The following MRPL14 variants were observed in gnomAD, a reference collection of about 807,000 sequenced individuals.
MRPL14 encodes the protein large ribosomal subunit protein uL14m.
Under a neutral mutation model 10.9 loss-of-function variants are expected in MRPL14, and 8 were observed. That is an observed-to-expected ratio of 0.74 (90% CI 0.43 to 1.33). MRPL14 has a LOEUF of 1.33. Ranked by LOEUF, MRPL14 falls within the 40% of genes most tolerant of loss-of-function variation. The probability of loss-of-function intolerance (pLI) is 0.01; values close to 1 mark genes in which losing one functional copy is unlikely to be tolerated. For synonymous variants in MRPL14, 82 were observed against 74.1 expected (o/e 1.11, Z -0.54); for missense variants, 179 against 194.5 (o/e 0.92, Z 0.47).
chr6:44,123,901 G>A (rs778511421), intron 1 of MRPL14, among the ~76,000 whole-genome samples: 5 of 152,124 alleles, frequency 3.3e-5, no homozygotes, highest in Non-Finnish European at 7.4e-5. Context: ...TACTTAGATA[G>A]ATCTGACAAT....
In MRPL14 at chr6:44,113,704, C is replaced by T. The variant is rs1166481346; in HGVS notation, c.*139G>A. ...CTCTGGAAAAACACATAAATGAATACATTTATTCTCTCACAGGATACTACA... is the reference window on the plus strand; with the variant it reads ...CTCTGGAAAAACACATAAATGAATATATTTATTCTCTCACAGGATACTACA... On this transcript the variant is annotated 3_prime_UTR_variant, in exon 3 of 3. Transcript: ENST00000372014. The T allele has an allele frequency of 3.6e-6, 3 of 827,826 alleles. No individual in the cohort carries two copies. The highest frequency in any genetic ancestry group is 5.3e-6 in the Non-Finnish European group (3 of 567,790). The allele number at this position is 827,826 out of a possible 1,614,324, so 51.3% of individuals were successfully genotyped here.
chr6:44,115,330 T>C (rs180787692), intron 2 of MRPL14, among the ~76,000 whole-genome samples: 15 of 152,258 alleles, frequency 9.9e-5, no homozygotes, highest in Admixed American at 2.0e-4. Context: ...GCTCTATAGA[T>C]ACTGCAAACT....
In MRPL14 at chr6:44,116,628, T is replaced by A. The variant is rs1228280400; in HGVS notation, c.-17A>T. 1.2e-6 allele frequency: 2 copies of A among 1,612,916 alleles called. No individual in the cohort carries two copies. Among genetic ancestry groups the A allele is most frequent in the Admixed American group, 1.7e-5 (1 of 59,932 alleles). On this transcript the variant is annotated splice_region_variant and 5_prime_UTR_variant, in exon 2 of 3. Transcript: ENST00000372014. Reference sequence around the variant, plus strand: ...GAAAGCCATGGGATCCCAAGATAGATCCTGCAGGAAAAACGAGAGGGGGAA... The same window carrying A: ...GAAAGCCATGGGATCCCAAGATAGAACCTGCAGGAAAAACGAGAGGGGGAA...
chr6:44,119,010 G>A lies in MRPL14; in HGVS notation c.-18-2381C>T, dbSNP rs192874588. ...AACCTCAAAAAACCCTATGAAATGG[G>A]TACAATTATTATTAGCCTCATTGTT... On this transcript the variant is annotated intron_variant, in intron 1 of 2. Transcript: ENST00000372014. Among the ~76,000 whole-genome samples, 56 of 152,096 alleles carry A rather than the reference G, an allele frequency of 3.7e-4. 1 individual carries two copies. The highest frequency in any genetic ancestry group is 1.3e-3 in the African/African-American group (54 of 41,494).
At chr6:44,119,719 C>T (rs1239476539) in intron 1 of MRPL14, among the ~76,000 whole-genome samples, 1 of 152,114 alleles carries the variant, frequency 6.6e-6, no homozygotes, top group African/African-American at 2.4e-5. Context: ...CAAAAAACAA[C>T]AAAACAAAAC....
intron 1 of MRPL14, among the ~76,000 whole-genome samples, chr6:44,117,229 C>CAA (rs1775937563): frequency 7.9e-6 from 1 of 126,794 alleles, no homozygotes; most frequent in East Asian, 2.6e-4. Flanking sequence ...CTCCCAAACA[C>CAA]TGTAACATGG....
At position 44,127,426 on chromosome 6, in the gene MRPL14, C is replaced by T. The variant is rs1777330280; in HGVS notation, c.-101G>A. 6.6e-6 allele frequency: 1 copy of T among 152,212 alleles called. No homozygotes were observed. The highest frequency in any genetic ancestry group is 2.4e-5 in the African/African-American group (1 of 41,406). 9.4% of individuals were successfully genotyped at this position (152,212 alleles called of 1,614,324 possible). ...GCCCCACGCGGCCTCTTCCTAGCGCCTGCGCGCCAGGCCCAGCCCGGCGGA... is the reference window on the plus strand; with the variant it reads ...GCCCCACGCGGCCTCTTCCTAGCGCTTGCGCGCCAGGCCCAGCCCGGCGGA... On this transcript the variant is annotated 5_prime_UTR_variant, in exon 1 of 3. Transcript: ENST00000372014.
intron 1 of MRPL14, among the ~76,000 whole-genome samples, chr6:44,118,990 C>A (rs73429729): frequency 0.26 from 39,958 of 151,788 alleles, 5,779 homozygotes; most frequent in African/African-American, 0.39. Context: ...AAATAAACCT[C>A]AAAAAACCCT....
intron 1 of MRPL14, among the ~76,000 whole-genome samples, chr6:44,124,157 A>C (rs184807182): frequency 1.3e-5 from 2 of 152,284 alleles, no homozygotes; most frequent in East Asian, 3.9e-4. Context: ...GGTGGGCTCC[A>C]GGTTTATTAA....
intron 1 of MRPL14, among the ~76,000 whole-genome samples, chr6:44,122,627 G>A (rs749915642): frequency 9.9e-5 from 15 of 152,150 alleles, no homozygotes; most frequent in Non-Finnish European, 1.9e-4. Flanking sequence ...GTAGTACTTA[G>A]ATATGATAGA....
intron 1 of MRPL14, among the ~76,000 whole-genome samples, chr6:44,121,785 CA>C (rs1197709132): frequency 2.0e-5 from 3 of 152,128 alleles, no homozygotes; most frequent in Non-Finnish European, 4.4e-5. Flanking sequence ...ACCAAAAATA[CA>C]AAAATTAGTG....
rs534573147 is a variant in MRPL14 at position 44,127,412 on chromosome 6, C to A, written c.-87G>T. 6.6e-6 allele frequency: 1 copy of A among 152,536 alleles called. No homozygotes were observed. The highest frequency in any genetic ancestry group is 1.9e-4 in the East Asian group (1 of 5,154). 9.4% of individuals were successfully genotyped at this position (152,536 alleles called of 1,614,324 possible). A position where few individuals can be genotyped will look rare whatever the true frequency, so the allele number is the denominator to read the frequency against. On this transcript the variant is annotated 5_prime_UTR_variant, in exon 1 of 3. Transcript: ENST00000372014. Reference sequence around the variant, plus strand: ...CAAGCGCCGCCTTCGCCCCACGCGGCCTCTTCCTAGCGCCTGCGCGCCAGG... The same window carrying A: ...CAAGCGCCGCCTTCGCCCCACGCGGACTCTTCCTAGCGCCTGCGCGCCAGG...
At chr6:44,116,481 C>T in intron 2 of MRPL14, 60 bp downstream of exon 2, 1 of 1,537,192 alleles carries the variant, frequency 6.5e-7, no homozygotes, top group Admixed American at 1.7e-5. Flanking sequence ...CCGTAATACC[C>T]AGCCCTGATA....
At chr6:44,117,840 G>GTTTTTT (rs56204643) in intron 1 of MRPL14, among the ~76,000 whole-genome samples, 1 of 75,346 alleles carries the variant, frequency 1.3e-5, no homozygotes, top group African/African-American at 5.3e-5. Flanking sequence ...AATTTTTTGT[G>GTTTTTT]TTTTTTTTTT....
At chr6:44,117,840 GTTTTTTTTTTTTT>G (rs56204643) in intron 1 of MRPL14, among the ~76,000 whole-genome samples, 5 of 75,346 alleles carry the variant, frequency 6.6e-5, no homozygotes, top group Non-Finnish European at 9.8e-5. Flanking sequence ...AATTTTTTGT[GTTTTTTTTTTTTT>G]TTTTTTTTTT....
intron 2 of MRPL14, among the ~76,000 whole-genome samples, chr6:44,114,617 C>CTT (rs77748632): frequency 6.6e-6 from 1 of 151,688 alleles, no homozygotes; most frequent in South Asian, 2.1e-4. Flanking sequence ...CCCTAATTTT[C>CTT]TTTTTTTTTG....
chr6:44,114,065 C>T lies in MRPL14; in HGVS notation c.216G>A (p.Gln72=). The change falls in exon 3 of 3, where the codon CAG becomes CAA. Residue 72 remains glutamine (Q), a synonymous_variant. Coordinates refer to ENST00000372014, the MANE Select transcript of MRPL14 (RefSeq NM_032111.4). ...TCTGTCCCTTGATGGCCAGTAGTAT[C>T]TGGTCGCCCACCTTGCCCACTCCAT... ...KKNGVGKVGD[Q]ILLAIKGQKK... The T allele has an allele frequency of 6.2e-7, 1 of 1,614,196 alleles. No homozygotes were observed. Among genetic ancestry groups the T allele is most frequent in the Non-Finnish European group, 8.5e-7 (1 of 1,180,036 alleles).
intron 1 of MRPL14, among the ~76,000 whole-genome samples, chr6:44,125,559 G>A (rs988092891): frequency 6.6e-6 from 1 of 150,524 alleles, no homozygotes. Context: ...GGGAGGCTGA[G>A]GCATAAGAAT....
At chr6:44,118,136 T>A (rs1365612365) in intron 1 of MRPL14, among the ~76,000 whole-genome samples, 1 of 152,194 alleles carries the variant, frequency 6.6e-6, no homozygotes. Flanking sequence ...TGTATGCAAC[T>A]ACTAACATCT....
Sources: gnomAD v4.1 joint callset for allele counts (sites outside exome capture counted in the v4.1 genomes callset) on GRCh38, gnomAD v4.1.1 for gene constraint, MANE v1.5 for transcripts, NCBI Gene and HGNC (gene_info 2026-07-23, HGNC 2026-07-21) for gene names.